Variants in CFHR3 observed in about 807,000 individuals in gnomAD.
CFHR3 encodes complement factor H-related protein 3.
CFHR3 carries 22 observed loss-of-function variants against 36.0 expected under a neutral mutation model. The ratio of observed to expected loss-of-function variants is 0.61; its 90% confidence interval spans 0.44 to 0.87. The LOEUF is 0.87. Ranked by LOEUF, CFHR3 falls within the 40% of genes least tolerant of loss-of-function variation. CFHR3 has a pLI of 0.00. For missense variants in CFHR3, 276 were observed against 401.3 expected (o/e 0.69, Z 2.67); for synonymous variants, 97 against 137.4 (o/e 0.71, Z 2.06).
At chr1:196,778,995 C>A (rs947140594) in intron 1 of CFHR3, among the ~76,000 whole-genome samples, 167 bp from the exon 2 acceptor site, 5 of 134,830 alleles carry the variant, frequency 3.7e-5, no homozygotes, top group African/African-American at 6.2e-5. Flanking sequence ...TAATTTATAC[C>A]CAGGAAAACA....
At chr1:196,787,032 T>C (rs1350725326) in intron 3 of CFHR3, among the ~76,000 whole-genome samples, 1 of 137,860 alleles carries the variant, frequency 7.3e-6, no homozygotes, top group Non-Finnish European at 1.5e-5. Context: ...ACTTTTACTT[T>C]TTAAGTAAAG....
In CFHR3 at chr1:196,779,198, G is replaced by C; in HGVS notation, c.95G>C (p.Gly32Ala). The C allele has an allele frequency of 6.5e-7, 1 of 1,529,738 alleles. No homozygotes were observed. Among genetic ancestry groups the C allele is most frequent in the African/African-American group, 1.7e-5 (1 of 60,588 alleles). The allele number at this position is 1,529,738 out of a possible 1,614,324, so 94.8% of individuals were successfully genotyped here. A position where few individuals can be genotyped will look rare whatever the true frequency, so the allele number is the denominator to read the frequency against. ...GATTTTCCAGACATTAAACATGGAG[G>C]TCTATTTCATGAGAATATGCGTAGA... Reference protein sequence around the residue: ...PCDFPDIKHGGLFHENMRRPY... With the variant: ...PCDFPDIKHGALFHENMRRPY... The change falls in exon 2 of 6, where the codon GGT becomes GCT. Residue 32 changes from glycine (G) to alanine (A), a missense_variant. By Grantham distance (60) the Gly-to-Ala change is moderately conservative. This residue lies in a region of CFHR3 where 178 missense variants were observed against 247.2 expected (regional missense o/e 0.72). Transcript: ENST00000367425.
intron 3 of CFHR3, among the ~76,000 whole-genome samples, chr1:196,784,223 C>T (rs1170947404): frequency 1.5e-5 from 2 of 135,874 alleles, no homozygotes; most frequent in South Asian, 5.1e-4. Context: ...TTACTTCCAA[C>T]TATGTGGTCA....
rs527659098 is a variant in CFHR3, at chr1:196,787,734, T to A, written c.431-482T>A. On this transcript the variant is annotated intron_variant, in intron 3 of 5. Transcript: ENST00000367425. Reference sequence around the variant, plus strand: ...GTCTATATGGGTTTAAGCACCCACTTAAGATGACAACCATTTTAAATTCTT... The same window carrying A: ...GTCTATATGGGTTTAAGCACCCACTAAAGATGACAACCATTTTAAATTCTT... Among the ~76,000 whole-genome samples the A allele has an allele frequency of 3.6e-5, 5 of 137,336 alleles. 1 individual carries two copies. Among genetic ancestry groups the A allele is most frequent in the Admixed American group, 7.0e-5 (1 of 14,268 alleles). The allele number at this position is 137,336 out of a possible 152,430, so 90.1% of individuals were successfully genotyped here.
rs571012671 is a variant in CFHR3 at position 196,776,292 on chromosome 1, A to G, written c.58+1348A>G. Among the ~76,000 whole-genome samples the G allele has an allele frequency of 2.2e-5, 3 of 136,622 alleles. 1 individual carries two copies. In the South Asian group the frequency reaches 7.6e-4, roughly 35 times the overall value. The allele number at this position is 136,622 out of a possible 152,430, so 89.6% of individuals were successfully genotyped here. ...CTTTGTAAGAGTAAACTTGAGCAAA[A>G]TGTCTTGTAAATTTGGGTTGCACCT... On this transcript the variant is annotated intron_variant, in intron 1 of 5. Transcript: ENST00000367425.
chr1:196,783,368 A>C (rs1654044711), intron 3 of CFHR3, among the ~76,000 whole-genome samples: 1 of 134,276 alleles, frequency 7.4e-6, no homozygotes, highest in South Asian at 2.6e-4. Flanking sequence ...GAATAGTTTC[A>C]GAAGGAATGG....
Position 196,782,265 on chromosome 1 carries a change from A to T in CFHR3, c.430+2292A>T, listed in dbSNP as rs1300669341. Among the ~76,000 whole-genome samples, 106 of 137,270 alleles carry T rather than the reference A, an allele frequency of 7.7e-4. 16 individuals are homozygous for T. Among genetic ancestry groups the T allele is most frequent in the Non-Finnish European group, 1.4e-3 (88 of 64,624 alleles). 90.1% of individuals were successfully genotyped at this position (137,270 alleles called of 152,430 possible). On this transcript the variant is annotated intron_variant, in intron 3 of 5. Coordinates refer to ENST00000367425, the MANE Select transcript of CFHR3 (RefSeq NM_021023.6). Reference sequence around the variant, plus strand: ...GCCTCCAGCTTTGTTCTTTTGGCTTAGGATTGACTTGGTGATGCGGGCTCT... The same window carrying T: ...GCCTCCAGCTTTGTTCTTTTGGCTTTGGATTGACTTGGTGATGCGGGCTCT...
chr1:196,793,474 G>C lies in CFHR3; in HGVS notation c.954G>C (p.Val318=). The change falls in exon 6 of 6, where the codon GTG becomes GTC. Residue 318 remains valine (V), a synonymous_variant. Coordinates refer to ENST00000367425, the MANE Select transcript of CFHR3 (RefSeq NM_021023.6). ...CATCAATTCTATCATTTCAAGCAGT[G>C]TGTCGGGAAGGGATAGTGGAATACC... ...ANTSILSFQA[V]CREGIVEYPR... is the part of the protein sequence containing the mutation. 6.5e-7 allele frequency: 1 copy of C among 1,526,732 alleles called. No homozygotes were observed. The highest frequency in any genetic ancestry group is 1.2e-5 in the South Asian group (1 of 80,476). The allele number at this position is 1,526,732 out of a possible 1,614,324, so 94.6% of individuals were successfully genotyped here. A position where few individuals can be genotyped will look rare whatever the true frequency, so the allele number is the denominator to read the frequency against.
At position 196,788,844 on chromosome 1, in the gene CFHR3, AG is replaced by A. The variant is rs1418261164; in HGVS notation, c.613+447del. The A allele has an allele frequency of 1.0e-5, 15 of 1,452,420 alleles. 2 individuals are homozygous for A. The highest frequency in any genetic ancestry group is 1.3e-5 in the Non-Finnish European group (14 of 1,096,446). 90.0% of individuals were successfully genotyped at this position (1,452,420 alleles called of 1,614,324 possible). ...AATTTCTGCTAGCGTCAGGAGAATC[AG>A]ACCTTAATAATTTGTATCAATGATG... On this transcript the variant is annotated intron_variant, in intron 4 of 5. Coordinates refer to ENST00000367425, the MANE Select transcript of CFHR3 (RefSeq NM_021023.6).
At chr1:196,784,444 C>G (rs1444861928) in intron 3 of CFHR3, among the ~76,000 whole-genome samples, 3 of 135,268 alleles carry the variant, frequency 2.2e-5, no homozygotes, top group Non-Finnish European at 4.7e-5. Flanking sequence ...GTCTAAGTCT[C>G]TTTGTAGGTC....
In CFHR3 at chr1:196,789,188, C is replaced by A. The variant is rs189898242; in HGVS notation, c.613+790C>A. ...AATACTGTTGTATAATTTACATACT[C>A]CCAAATCCACTTCATTTTCAAGGGT... On this transcript the variant is annotated intron_variant, in intron 4 of 5. Transcript: ENST00000367425. 5 of 921,024 alleles carry A rather than the reference C, an allele frequency of 5.4e-6. 1 individual carries two copies. Among genetic ancestry groups the A allele is most frequent in the East Asian group, 8.5e-5 (1 of 11,774 alleles). 57.1% of individuals were successfully genotyped at this position (921,024 alleles called of 1,614,324 possible).
intron 3 of CFHR3, among the ~76,000 whole-genome samples, chr1:196,786,480 T>C (rs1654206047): frequency 7.4e-6 from 1 of 135,562 alleles, no homozygotes; most frequent in South Asian, 2.6e-4. Flanking sequence ...CCTGGCTGCT[T>C]TGTTTACCTA....
intron 3 of CFHR3, among the ~76,000 whole-genome samples, chr1:196,785,603 T>C (rs541822697): frequency 1.5e-5 from 2 of 137,602 alleles, no homozygotes; most frequent in Admixed American, 1.4e-4. Context: ...CATCGGCTCC[T>C]GAGGCTTCTG....
rs796120406 is a variant in CFHR3, at chr1:196,780,367, T to C, written c.430+394T>C. 1.8e-3 allele frequency among the ~76,000 whole-genome samples: 248 copies of C among 137,882 alleles called. 61 individuals are homozygous for C. Among genetic ancestry groups the C allele is most frequent in the African/African-American group, 7.2e-3 (240 of 33,242 alleles). The allele number at this position is 137,882 out of a possible 152,430, so 90.5% of individuals were successfully genotyped here. A position where few individuals can be genotyped will look rare whatever the true frequency, so the allele number is the denominator to read the frequency against. On this transcript the variant is annotated intron_variant, in intron 3 of 5. Coordinates refer to ENST00000367425, the MANE Select transcript of CFHR3 (RefSeq NM_021023.6). ...ACTCTAGAAGGTTTCCTACAGTATT[T>C]ATTCAAATATACATTTATATAAACA...
Position 196,779,410 on chromosome 1 carries a change from G to A in CFHR3, c.253+54G>A. On this transcript the variant is annotated intron_variant, in intron 2 of 5. Transcript: ENST00000367425. ...GTATAAAACTTTAAAAGATTAAAGA[G>A]AGGAGAGCACATAATTGATTACTCT... 5 of 1,253,628 alleles carry A rather than the reference G, an allele frequency of 4.0e-6. 2 individuals carry two copies. Among genetic ancestry groups the A allele is most frequent in the Non-Finnish European group, 3.4e-6 (3 of 882,364 alleles). The allele number at this position is 1,253,628 out of a possible 1,614,324, so 77.7% of individuals were successfully genotyped here.
intron 5 of CFHR3, among the ~76,000 whole-genome samples, chr1:196,792,165 C>T (rs1211785921): frequency 8.3e-6 from 1 of 120,490 alleles, no homozygotes. Context: ...TTGTAAACAG[C>T]CCCTGAATGT....
chr1:196,789,127 T>C lies in CFHR3; in HGVS notation c.613+729T>C, dbSNP rs1255692753. 9 of 1,005,352 alleles carry C rather than the reference T, an allele frequency of 9.0e-6. 2 individuals are homozygous for C. The African/African-American group carries it at 2.0e-4, about 22-fold the overall frequency. 62.3% of individuals were successfully genotyped at this position (1,005,352 alleles called of 1,614,324 possible). ...TTCCTCTTTATATATTCACAAAGAGTTTTAAAGATAAATTGCTGAATGTAT... is the reference window on the plus strand; with the variant it reads ...TTCCTCTTTATATATTCACAAAGAGCTTTAAAGATAAATTGCTGAATGTAT... On this transcript the variant is annotated intron_variant, in intron 4 of 5. Coordinates refer to ENST00000367425, the MANE Select transcript of CFHR3 (RefSeq NM_021023.6).
chr1:196,778,787 G>A (rs1434061495), intron 1 of CFHR3, among the ~76,000 whole-genome samples: 1 of 136,528 alleles, frequency 7.3e-6, no homozygotes, highest in African/African-American at 3.1e-5. Flanking sequence ...TGAACTGACA[G>A]CTTTAGCATA....
In CFHR3 at chr1:196,777,683, A is replaced by G. The variant is rs145401952; in HGVS notation, c.59-1479A>G. Reference sequence around the variant, plus strand: ...AACTCACTACAGTTTCGAAATTATCACTGACTAAGAAAAGTAATTTTTGGT... The same window carrying G: ...AACTCACTACAGTTTCGAAATTATCGCTGACTAAGAAAAGTAATTTTTGGT... On this transcript the variant is annotated intron_variant, in intron 1 of 5. Coordinates refer to ENST00000367425, the MANE Select transcript of CFHR3 (RefSeq NM_021023.6). Among the ~76,000 whole-genome samples, 2 of 136,652 alleles carry G rather than the reference A, an allele frequency of 1.5e-5. 1 individual carries two copies. The highest frequency in any genetic ancestry group is 6.1e-5 in the African/African-American group (2 of 32,706). 89.6% of individuals were successfully genotyped at this position (136,652 alleles called of 152,430 possible).
Sources: gnomAD v4.1 joint callset for allele counts (sites outside exome capture counted in the v4.1 genomes callset) on GRCh38, gnomAD v4.1.1 for gene constraint, gnomAD v4.1.1 regional missense constraint, MANE v1.5 for transcripts, NCBI Gene and HGNC (gene_info 2026-07-23, HGNC 2026-07-21) for gene names.